MEGF9: variants seen among roughly 807,000 people sequenced by gnomAD.
MEGF9 encodes multiple EGF like domains 9.
Under a neutral mutation model 46.8 loss-of-function variants are expected in MEGF9, and 6 were observed. The observed-to-expected ratio is 0.13, with a 90% CI of 0.07 to 0.25. The LOEUF is 0.25. MEGF9 is among the 10% of genes least tolerant of loss of function. MEGF9 has a pLI of 1.00. For synonymous variants in MEGF9, 302 were observed against 330.7 expected (o/e 0.91, Z 0.94); for missense variants, 683 against 792.4 (o/e 0.86, Z 1.66).
chr9:120,681,590 A>C (rs969656874), intron 1 of MEGF9, among the ~76,000 whole-genome samples: 1 of 152,150 alleles, frequency 6.6e-6, no homozygotes, highest in Non-Finnish European at 1.5e-5. Context: ...AAAAGAATGC[A>C]TTTGACTCTA....
chr9:120,635,255 A>T (rs964213464), intron 2 of MEGF9, among the ~76,000 whole-genome samples: 1 of 152,168 alleles, frequency 6.6e-6, no homozygotes, highest in African/African-American at 2.4e-5. Context: ...CTCTCTTTGT[A>T]TATGACTTTG....
chr9:120,672,357 C>G (rs2043753190), intron 1 of MEGF9, among the ~76,000 whole-genome samples: 1 of 151,934 alleles, frequency 6.6e-6, no homozygotes. Flanking sequence ...CTTTGGAAGG[C>G]CAAGGTGGGA....
intron 1 of MEGF9, among the ~76,000 whole-genome samples, chr9:120,707,152 AG>A (rs1235972366): frequency 2.0e-5 from 3 of 152,186 alleles, no homozygotes; most frequent in Non-Finnish European, 2.9e-5. Flanking sequence ...CCTGTTTTGG[AG>A]ATTAAATGAC....
chr9:120,659,644 A>G (rs1199885552), intron 1 of MEGF9, 69 bp from the exon 2 acceptor site: 7 of 1,238,904 alleles, frequency 5.7e-6, no homozygotes, highest in African/African-American at 3.1e-5. Flanking sequence ...AATGAACTCT[A>G]TTTTATTTTT....
chr9:120,636,607 G>A (rs897492083), intron 2 of MEGF9, among the ~76,000 whole-genome samples: 3 of 152,200 alleles, frequency 2.0e-5, no homozygotes, highest in African/African-American at 7.2e-5. Context: ...GCCACAACTT[G>A]CAACAGTTAA....
At chr9:120,611,668 A>G (rs904977798) in intron 4 of MEGF9, among the ~76,000 whole-genome samples, 8 of 152,052 alleles carry the variant, frequency 5.3e-5, no homozygotes, top group African/African-American at 1.9e-4. Flanking sequence ...AACTTCTAAA[A>G]TTGATTGTGG....
intron 2 of MEGF9, among the ~76,000 whole-genome samples, chr9:120,629,530 C>A: frequency 6.6e-6 from 1 of 152,218 alleles, no homozygotes; most frequent in East Asian, 1.9e-4. Context: ...TCCAGCTACT[C>A]GGGAGGCTGA....
At chr9:120,669,705 A>T (rs1587990310) in intron 1 of MEGF9, among the ~76,000 whole-genome samples, 1 of 152,156 alleles carries the variant, frequency 6.6e-6, no homozygotes, top group East Asian at 1.9e-4. Flanking sequence ...CATAAGGCAA[A>T]ATGACAGCAA....
intron 2 of MEGF9, among the ~76,000 whole-genome samples, chr9:120,624,938 G>C (rs2043517600): frequency 1.3e-5 from 2 of 151,698 alleles, no homozygotes; most frequent in Non-Finnish European, 1.5e-5. Context: ...TAGTGCTTTT[G>C]CATCATGTTA....
chr9:120,622,520 C>G (rs1319667606), intron 3 of MEGF9, 96 bp downstream of exon 3: 11 of 1,353,342 alleles, frequency 8.1e-6, no homozygotes, highest in Non-Finnish European at 1.1e-5. Context: ...AAAGGCCCTT[C>G]CAAACTATTT....
At chr9:120,700,608 A>G (rs972265033) in intron 1 of MEGF9, among the ~76,000 whole-genome samples, 2 of 152,306 alleles carry the variant, frequency 1.3e-5, no homozygotes, top group East Asian at 3.9e-4. Flanking sequence ...ACACAACAGG[A>G]TAAATATATT....
At chr9:120,661,297 T>C (rs2043700506) in intron 1 of MEGF9, among the ~76,000 whole-genome samples, 1 of 152,174 alleles carries the variant, frequency 6.6e-6, no homozygotes, top group Admixed American at 6.5e-5. Context: ...GCAGATCACT[T>C]GAGCTCAGGA....
intron 1 of MEGF9, among the ~76,000 whole-genome samples, chr9:120,709,854 G>A (rs1295007921): frequency 6.6e-6 from 1 of 151,950 alleles, no homozygotes; most frequent in African/African-American, 2.4e-5. Flanking sequence ...TTCGAGACCA[G>A]CCTGGCCAAC....
chr9:120,659,221 T>C (rs2043690687), intron 2 of MEGF9, 153 bp downstream of exon 2: 3 of 492,786 alleles, frequency 6.1e-6, no homozygotes, highest in African/African-American at 2.0e-5. Flanking sequence ...AAATATAACA[T>C]ATAAAGTAAG....
intron 1 of MEGF9, among the ~76,000 whole-genome samples, chr9:120,710,349 G>A (rs746732874): frequency 5.3e-5 from 8 of 150,880 alleles, no homozygotes; most frequent in Non-Finnish European, 3.0e-5. Context: ...GCTTGAACCC[G>A]GGAGGTGGAG....
chr9:120,615,567 T>C (rs1250301341), intron 3 of MEGF9, among the ~76,000 whole-genome samples: 5 of 151,606 alleles, frequency 3.3e-5, no homozygotes, highest in African/African-American at 1.2e-4. Context: ...TGGTAAACAA[T>C]GTTATCTCAA....
rs550791673 is a variant in MEGF9, at chr9:120,711,400, T to G, written c.601+2358A>C. Among the ~76,000 whole-genome samples, 8 of 152,364 alleles carry G rather than the reference T, an allele frequency of 5.3e-5. No individual in the cohort carries two copies. In the East Asian group the frequency reaches 1.5e-3, roughly 29 times the overall value. ...AAGTTGCAAAACATGTATAGAATTA[T>G]TCCATTTTGATTTTTTAAAATCTAT... On this transcript the variant is annotated intron_variant, in intron 1 of 5. Transcript: ENST00000373930.
chr9:120,611,883 G>GAGAGAA (rs1242135307), intron 4 of MEGF9, among the ~76,000 whole-genome samples: 1 of 150,276 alleles, frequency 6.7e-6, no homozygotes, highest in Middle Eastern at 3.4e-3. Context: ...GAGAGAGAGA[G>GAGAGAA]AGAAAGAAAG....
chr9:120,604,031 GAT>G lies in MEGF9; in HGVS notation c.*1157_*1158del, dbSNP rs1295126821. The G allele has an allele frequency of 1.3e-5, 2 of 152,586 alleles. No individual in the cohort carries two copies. The highest frequency in any genetic ancestry group is 1.3e-4 in the Admixed American group (2 of 15,280). The allele number at this position is 152,586 out of a possible 1,614,324, so 9.5% of individuals were successfully genotyped here. A position where few individuals can be genotyped will look rare whatever the true frequency, so the allele number is the denominator to read the frequency against. ...TTCAAGAAAAACATTTTTTAATGAG[GAT>G]ATGTTTTATATTAATCTATGTAAAA... On this transcript the variant is annotated 3_prime_UTR_variant, in exon 6 of 6. Coordinates refer to ENST00000373930, the MANE Select transcript of MEGF9 (RefSeq NM_001080497.3).
Sources: allele counts gnomAD v4.1 joint callset (sites outside exome capture counted in the v4.1 genomes callset), GRCh38; gene constraint gnomAD v4.1.1; transcripts MANE v1.5; gene names NCBI Gene and HGNC (gene_info 2026-07-23, HGNC 2026-07-21).